NR5A2: variants seen among roughly 807,000 people sequenced by gnomAD.
The protein encoded by NR5A2 is nuclear receptor subfamily 5 group A member 2, also known as CYP7A promoter-binding factor.
Under a neutral mutation model 62.7 loss-of-function variants are expected in NR5A2, and 26 were observed. That is an observed-to-expected ratio of 0.41 (90% confidence interval 0.30 to 0.58). The LOEUF (loss-of-function observed/expected upper bound fraction) is 0.58, where lower values mean the gene tolerates loss of function less well. Among genes scored for constraint, NR5A2 ranks in the 20% least tolerant of loss-of-function variants. NR5A2 has a pLI of 0.22. For synonymous variants in NR5A2, 246 were observed against 241.7 expected (o/e 1.02, Z -0.16); for missense variants, 541 against 669.1 (o/e 0.81, Z 2.11).
At chr1:200,148,520 A>G (rs1667829344) in intron 7 of NR5A2, among the ~76,000 whole-genome samples, 1 of 151,920 alleles carries the variant, frequency 6.6e-6, no homozygotes, top group African/African-American at 2.4e-5. Flanking sequence ...ACAAACTCAG[A>G]CTCTAGACAA....
chr1:200,098,230 T>C (rs1156882494), intron 5 of NR5A2, among the ~76,000 whole-genome samples: 2 of 152,162 alleles, frequency 1.3e-5, no homozygotes, highest in Non-Finnish European at 2.9e-5. Flanking sequence ...TCAGTTCATC[T>C]CCCAAACAGA....
chr1:200,091,079 A>C (rs995376459), intron 5 of NR5A2, among the ~76,000 whole-genome samples: 1 of 152,144 alleles, frequency 6.6e-6, no homozygotes, highest in Non-Finnish European at 1.5e-5. Flanking sequence ...AAGACAATTA[A>C]GAGAATTAAT....
In NR5A2 at chr1:200,043,673, G is replaced by A. The variant is rs552279236; in HGVS notation, c.203-101G>A. 9.2e-5 allele frequency: 59 copies of A among 640,490 alleles called. No individual in the cohort carries two copies. In the South Asian group the frequency reaches 1.4e-3, roughly 15 times the overall value. 39.7% of individuals were successfully genotyped at this position (640,490 alleles called of 1,614,324 possible). ...TTGTTTTTATTTTATATTTTACCAT[G>A]TGATATTTGCCCAGCAATCACCAAA... is the stretch of plus-strand genomic sequence containing the variant. On this transcript the variant is annotated intron_variant, in intron 2 of 7. Transcript: ENST00000367362.
At chr1:200,111,929 T>C (rs1286692993) in intron 6 of NR5A2, among the ~76,000 whole-genome samples, 5 of 152,154 alleles carry the variant, frequency 3.3e-5, no homozygotes, top group African/African-American at 1.2e-4. Flanking sequence ...TAGTTACTTT[T>C]TGGGGGCTTT....
At chr1:200,133,859 C>T (rs1158051783) in intron 7 of NR5A2, among the ~76,000 whole-genome samples, 2 of 151,956 alleles carry the variant, frequency 1.3e-5, no homozygotes, top group East Asian at 3.9e-4. Context: ...GATGACAGCT[C>T]TATGTGTGTT....
rs200223242 is a variant in NR5A2, at chr1:200,085,517, CCTT to C, written c.1111-25682_1111-25680del. ...TAAGCTCAGCATGTAACTTCACTGT[CCTT>C]CTCTAAAAATAGGGGTAATGTATAA... On this transcript the variant is annotated intron_variant, in intron 5 of 7. Coordinates refer to ENST00000367362, the MANE Select transcript of NR5A2 (RefSeq NM_205860.3). Among the ~76,000 whole-genome samples, 915 of 152,188 alleles carry C rather than the reference CCTT, an allele frequency of 6.0e-3. 2 individuals are homozygous for C. Among genetic ancestry groups the C allele is most frequent in the Non-Finnish European group, 0.01 (684 of 68,006 alleles).
chr1:200,093,520 C>G lies in NR5A2; in HGVS notation c.1111-17682C>G, dbSNP rs529301656. Among the ~76,000 whole-genome samples, 19 of 152,208 alleles carry G rather than the reference C, an allele frequency of 1.2e-4. No individual in the cohort carries two copies. In the South Asian group the frequency reaches 2.9e-3, roughly 23 times the overall value. The stretch of plus-strand genomic sequence containing the variant: ...AACTGGATAAAAGCAGACTCAGATC[C>G]CTTCTAACTTTGAGACACGGTTTTC... On this transcript the variant is annotated intron_variant, in intron 5 of 7. Transcript: ENST00000367362.
chr1:200,070,840 G>C (rs1663710681), intron 5 of NR5A2, among the ~76,000 whole-genome samples: 1 of 151,344 alleles, frequency 6.6e-6, no homozygotes, highest in South Asian at 2.1e-4. Context: ...TGCCACGCCT[G>C]TGTATGTACC....
chr1:200,170,354 A>G (rs1007681659), intron 7 of NR5A2, among the ~76,000 whole-genome samples: 3 of 152,184 alleles, frequency 2.0e-5, no homozygotes, highest in Non-Finnish European at 2.9e-5. Context: ...TTAAATTTCT[A>G]TTTATATGGG....
chr1:200,087,580 A>G (rs1004136847), intron 5 of NR5A2, among the ~76,000 whole-genome samples: 2 of 150,416 alleles, frequency 1.3e-5, no homozygotes, highest in South Asian at 4.2e-4. Flanking sequence ...TATTTTCAGT[A>G]GAGACAGAGT....
intron 5 of NR5A2, among the ~76,000 whole-genome samples, chr1:200,085,624 A>T (rs1414727285): frequency 1.3e-5 from 2 of 151,690 alleles, no homozygotes; most frequent in Non-Finnish European, 2.9e-5. Flanking sequence ...GATGGATTAG[A>T]GATGGTGTCT....
chr1:200,090,820 C>T (rs1225876843), intron 5 of NR5A2, among the ~76,000 whole-genome samples: 1 of 152,164 alleles, frequency 6.6e-6, no homozygotes, highest in East Asian at 1.9e-4. Context: ...GACAAACAGA[C>T]ACAGGTTTCC....
At chr1:200,084,965 C>T (rs942543181) in intron 5 of NR5A2, among the ~76,000 whole-genome samples, 1 of 152,140 alleles carries the variant, frequency 6.6e-6, no homozygotes, top group Non-Finnish European at 1.5e-5. Context: ...GCCGTTTGTA[C>T]CGGATCTGAT....
At position 200,127,695 on chromosome 1, in the gene NR5A2, AAAAAAAAAAAAAAAATAT is replaced by A. The variant is rs1448167245; in HGVS notation, c.1378+6742_1378+6759del. 6.3e-5 allele frequency among the ~76,000 whole-genome samples: 5 copies of A among 78,796 alleles called. No homozygotes were observed. In the East Asian group the frequency reaches 2.1e-3, roughly 33 times the overall value. The allele number at this position is 78,796 out of a possible 152,430, so 51.7% of individuals were successfully genotyped here. A position where few individuals can be genotyped will look rare whatever the true frequency, so the allele number is the denominator to read the frequency against. On this transcript the variant is annotated intron_variant, in intron 7 of 7. Coordinates refer to ENST00000367362, the MANE Select transcript of NR5A2 (RefSeq NM_205860.3). ...CTGTCTCAAAAAAAAAAAAAAAAAA[AAAAAAAAAAAAAAAATAT>A]ATATATATATATATATATGGTATCC...
At chr1:200,141,355 AAGTATAT>A (rs1667436874) in intron 7 of NR5A2, among the ~76,000 whole-genome samples, 1 of 151,988 alleles carries the variant, frequency 6.6e-6, no homozygotes, top group Admixed American at 6.6e-5. Flanking sequence ...AATGTTATAT[AAGTATAT>A]AGTATGTAAC....
At chr1:200,083,050 C>T (rs1338876202) in intron 5 of NR5A2, among the ~76,000 whole-genome samples, 1 of 151,916 alleles carries the variant, frequency 6.6e-6, no homozygotes, top group Non-Finnish European at 1.5e-5. Flanking sequence ...ATAAAAATGT[C>T]ACAGTTTTTC....
chr1:200,053,607 A>ACAC (rs1571721400), intron 5 of NR5A2, among the ~76,000 whole-genome samples: 2 of 151,106 alleles, frequency 1.3e-5, no homozygotes, highest in African/African-American at 2.4e-5. Flanking sequence ...ACACACACAC[A>ACAC]AAGAGGCAGT....
At chr1:200,093,644 C>T (rs901395963) in intron 5 of NR5A2, among the ~76,000 whole-genome samples, 8 of 152,140 alleles carry the variant, frequency 5.3e-5, no homozygotes, top group South Asian at 2.1e-4. Flanking sequence ...AAAGTGTTTC[C>T]GGTTCATCCT....
At chr1:200,131,527 G>C (rs993805776) in intron 7 of NR5A2, among the ~76,000 whole-genome samples, 1 of 152,196 alleles carries the variant, frequency 6.6e-6, no homozygotes, top group Non-Finnish European at 1.5e-5. Context: ...TATTGGCCAG[G>C]CAAGCTAGGA....
Sources: allele counts gnomAD v4.1 joint callset (sites outside exome capture counted in the v4.1 genomes callset), GRCh38; gene constraint gnomAD v4.1.1; transcripts MANE v1.5; gene names NCBI Gene and HGNC (gene_info 2026-07-23, HGNC 2026-07-21).